Variants in SLC35A3 observed in about 807,000 individuals in gnomAD.
The protein encoded by SLC35A3 is UDP-N-acetylglucosamine transporter.
SLC35A3 carries 26 observed loss-of-function variants against 39.0 expected under a neutral mutation model. That is an observed-to-expected ratio of 0.67 (90% CI 0.49 to 0.92). SLC35A3 has a LOEUF of 0.92. SLC35A3 is among the 40% of genes least tolerant of loss of function. The pLI, the probability that SLC35A3 is intolerant of heterozygous loss-of-function variation, is 0.00. For missense variants in SLC35A3, 299 were observed against 371.6 expected, an observed-to-expected ratio of 0.80 and a Z score of 1.61; for synonymous variants, 135 against 133.1, an observed-to-expected ratio of 1.01 and a Z score of -0.10.
At chr1:100,018,926 TG>T (rs921975573) in intron 7 of SLC35A3, among the ~76,000 whole-genome samples, 47 of 152,246 alleles carry the variant, frequency 3.1e-4, no homozygotes, top group African/African-American at 1.1e-3. Flanking sequence ...ACATACATGT[TG>T]AGATCTGTAG....
chr1:100,020,710 G>T (rs1660472847), intron 7 of SLC35A3, among the ~76,000 whole-genome samples: 1 of 152,172 alleles, frequency 6.6e-6, no homozygotes, highest in South Asian at 2.1e-4. Flanking sequence ...ATCATTTAAT[G>T]ACAGTGTGGT....
chr1:100,015,224 AT>A, intron 5 of SLC35A3, 77 bp from the exon 6 acceptor site: 1 of 1,259,780 alleles, frequency 7.9e-7, no homozygotes, highest in Non-Finnish European at 1.0e-6. Flanking sequence ...GTGTAAAATT[AT>A]TTGGAATGTC....
At chr1:100,003,994 CTGTT>C (rs1659018922) in intron 3 of SLC35A3, among the ~76,000 whole-genome samples, 1 of 152,114 alleles carries the variant, frequency 6.6e-6, no homozygotes, top group African/African-American at 2.4e-5. Flanking sequence ...TTACTTTCGT[CTGTT>C]TGTCTTTACA....
intron 2 of SLC35A3, among the ~76,000 whole-genome samples, chr1:99,997,208 A>G (rs1429760059): frequency 6.6e-6 from 1 of 151,616 alleles, no homozygotes; most frequent in African/African-American, 2.4e-5. Flanking sequence ...ATGGGTAGTT[A>G]TGCAACACAA....
chr1:99,970,205 C>G (rs1656717586), intron 1 of SLC35A3, 43 bp downstream of exon 1: 1 of 200,214 alleles, frequency 5.0e-6, no homozygotes, highest in African/African-American at 2.3e-5. Flanking sequence ...AACCAGGAGG[C>G]TAGCGGCTGC....
At chr1:99,992,241 G>A (rs191455232) in intron 1 of SLC35A3, among the ~76,000 whole-genome samples, 1 of 151,972 alleles carries the variant, frequency 6.6e-6, no homozygotes, top group African/African-American at 2.4e-5. Context: ...TATTTTGAAG[G>A]TATGTTATTA....
At chr1:100,019,155 C>A (rs1334992620) in intron 7 of SLC35A3, among the ~76,000 whole-genome samples, 2 of 148,236 alleles carry the variant, frequency 1.3e-5, no homozygotes, top group Non-Finnish European at 3.0e-5. Flanking sequence ...TAAAAGCATA[C>A]CTTTTTTTTT....
Position 99,982,515 on chromosome 1 carries a change from C to T in SLC35A3, c.-18-11022C>T, listed in dbSNP as rs528136632. Among the ~76,000 whole-genome samples, 276 of 152,092 alleles carry T rather than the reference C, an allele frequency of 1.8e-3. 1 individual carries two copies. The highest frequency in any genetic ancestry group is 0.014 in the Middle Eastern group (4 of 292). ...AAATATTTAGACCTGTAAAGTAACT[C>T]GTAGTTGGCTGATAAAACTTTGTAA... On this transcript the variant is annotated intron_variant, in intron 1 of 7. Coordinates refer to ENST00000533028, the MANE Select transcript of SLC35A3 (RefSeq NM_012243.3).
chr1:100,007,377 G>A (rs1659316690), intron 4 of SLC35A3: 1 of 364,868 alleles, frequency 2.7e-6, no homozygotes, highest in Admixed American at 4.9e-5. Context: ...ACCTACAGAA[G>A]TGAACATTCT....
intron 5 of SLC35A3, among the ~76,000 whole-genome samples, chr1:100,012,841 T>A (rs549880394): frequency 3.3e-5 from 5 of 152,200 alleles, no homozygotes; most frequent in Non-Finnish European, 7.4e-5. Flanking sequence ...GAGGGCTGGT[T>A]AAATAAATTA....
intron 7 of SLC35A3, among the ~76,000 whole-genome samples, chr1:100,019,967 A>G (rs1660425574): frequency 6.6e-6 from 1 of 152,180 alleles, no homozygotes; most frequent in Non-Finnish European, 1.5e-5. Flanking sequence ...TGTGTCTACT[A>G]TGTGCCTGCT....
intron 1 of SLC35A3, among the ~76,000 whole-genome samples, chr1:99,974,611 T>TGATC (rs1448270888): frequency 6.6e-6 from 1 of 152,158 alleles, no homozygotes; most frequent in African/African-American, 2.4e-5. Context: ...ATTACTGGTG[T>TGATC]GATCAGTCCA....
intron 7 of SLC35A3, among the ~76,000 whole-genome samples, chr1:100,018,616 A>G (rs76353046): frequency 0.048 from 7,379 of 152,160 alleles, 206 homozygotes; most frequent in African/African-American, 0.067. Flanking sequence ...TGCAGCTTCA[A>G]ACTCCTGGGC....
intron 7 of SLC35A3, among the ~76,000 whole-genome samples, chr1:100,020,475 G>A (rs1660456522): frequency 6.6e-6 from 1 of 152,132 alleles, no homozygotes; most frequent in Admixed American, 6.6e-5. Flanking sequence ...TATTAATGTA[G>A]CAATTTCTTC....
intron 1 of SLC35A3, chr1:99,979,191 G>A (rs1657296757): frequency 6.6e-6 from 1 of 152,144 alleles, no homozygotes; most frequent in Non-Finnish European, 1.5e-5. Flanking sequence ...CAGTTCTGGA[G>A]ACCAGAAATC....
rs1490572380 is a variant in SLC35A3, at chr1:100,007,080, C to T, written c.389C>T (p.Ser130Phe). ...KILTTALFSV[S>F]MLSKKLGVYQ... The stretch of plus-strand genomic sequence containing the variant: ...CTTACAACAGCATTATTTTCTGTGT[C>T]TATGCTTAGTAAAAAATTGGGTGTA... Residue 130 changes from serine (S) to phenylalanine (F), a missense_variant, in exon 4 of 8, where the codon TCT becomes TTT. Coordinates refer to ENST00000533028, the MANE Select transcript of SLC35A3 (RefSeq NM_012243.3). 1 of 1,612,086 alleles carries T rather than the reference C, an allele frequency of 6.2e-7. No homozygotes were observed. The highest frequency in any genetic ancestry group is 8.5e-7 in the Non-Finnish European group (1 of 1,179,166).
Position 100,023,641 on chromosome 1 carries a change from A to G in SLC35A3, c.*1165A>G, listed in dbSNP as rs1290850356. On this transcript the variant is annotated 3_prime_UTR_variant, in exon 8 of 8. Transcript: ENST00000533028. ...CGGAAGATTTTTTTAGGTCTCTCAT[A>G]AGCCTATTCTTCCCTGATCACATGA... The G allele has an allele frequency of 6.6e-6, 1 of 152,250 alleles. No homozygotes were observed. Among genetic ancestry groups the G allele is most frequent in the Non-Finnish European group, 1.5e-5 (1 of 68,052 alleles). The allele number at this position is 152,250 out of a possible 1,614,324, so 9.4% of individuals were successfully genotyped here.
chr1:100,011,677 C>A, intron 5 of SLC35A3, 144 bp downstream of exon 5: 1 of 245,870 alleles, frequency 4.1e-6, no homozygotes, highest in Non-Finnish European at 7.8e-6. Flanking sequence ...TCTTTTAAAA[C>A]ATTTTATTAT....
chr1:99,978,895 T>G (rs1294845974), intron 1 of SLC35A3: 2 of 152,234 alleles, frequency 1.3e-5, no homozygotes, highest in African/African-American at 4.8e-5. Flanking sequence ...CATCCAGTCT[T>G]TCTCTGAAAC....
Sources: allele counts gnomAD v4.1 joint callset (sites outside exome capture counted in the v4.1 genomes callset), GRCh38; gene constraint gnomAD v4.1.1; transcripts MANE v1.5; gene names NCBI Gene and HGNC (gene_info 2026-07-23, HGNC 2026-07-21).